Variants in HCN1 observed in about 807,000 individuals in gnomAD.
The protein encoded by HCN1 is hyperpolarization activated cyclic nucleotide gated potassium channel 1, also known as potassium/sodium hyperpolarization-activated cyclic nucleotide-gated channel 1.
In HCN1, 13 loss-of-function variants were observed where a neutral mutation model predicts 78.9. The ratio of observed to expected loss-of-function variants is 0.16; its 90% confidence interval spans 0.11 to 0.26. The LOEUF is 0.26. Ranked by LOEUF, HCN1 falls within the 10% of genes least tolerant of loss-of-function variation. The pLI, the probability that HCN1 is intolerant of heterozygous loss-of-function variation, is 1.00. For synonymous variants in HCN1, 552 were observed against 455.5 expected (o/e 1.21, Z -2.70); for missense variants, 810 against 1,154.3 (o/e 0.70, Z 4.32).
chr5:45,568,950 C>T (rs1212434879), intron 2 of HCN1, among the ~76,000 whole-genome samples: 2 of 152,040 alleles, frequency 1.3e-5, no homozygotes, highest in Non-Finnish European at 2.9e-5. Flanking sequence ...CGAAATTCCC[C>T]TTACCCCTTT....
chr5:45,430,017 G>A (rs1359963213), intron 3 of HCN1, among the ~76,000 whole-genome samples: 1 of 151,844 alleles, frequency 6.6e-6, no homozygotes, highest in Non-Finnish European at 1.5e-5. Flanking sequence ...TAAGAATTGA[G>A]CTATTATAAG....
intron 6 of HCN1, among the ~76,000 whole-genome samples, chr5:45,297,431 G>A (rs1169972850): frequency 6.6e-6 from 1 of 152,068 alleles, no homozygotes; most frequent in African/African-American, 2.4e-5. Context: ...GCCAGTTTAT[G>A]GCCAGATTTT....
At chr5:45,315,816 G>C (rs1049405610) in intron 5 of HCN1, among the ~76,000 whole-genome samples, 1 of 152,142 alleles carries the variant, frequency 6.6e-6, no homozygotes, top group Non-Finnish European at 1.5e-5. Flanking sequence ...AAATGTAGAA[G>C]AAATGGATAA....
chr5:45,264,026 C>T (rs988921900), intron 7 of HCN1, among the ~76,000 whole-genome samples: 5 of 152,170 alleles, frequency 3.3e-5, no homozygotes, highest in Admixed American at 3.3e-4. Flanking sequence ...ATCTCATGAC[C>T]TTGTGATCCA....
intron 2 of HCN1, among the ~76,000 whole-genome samples, chr5:45,490,212 A>T (rs1741854315): frequency 6.6e-6 from 1 of 152,206 alleles, no homozygotes; most frequent in Admixed American, 6.6e-5. Context: ...AGGTCATAGA[A>T]TGCCAACAGT....
chr5:45,388,374 G>C (rs774388050), intron 4 of HCN1, among the ~76,000 whole-genome samples: 1 of 152,120 alleles, frequency 6.6e-6, no homozygotes, highest in Non-Finnish European at 1.5e-5. Flanking sequence ...ATGAGAAGAA[G>C]TAATATGCCT....
At chr5:45,374,077 ATCTAT>A (rs1561130166) in intron 4 of HCN1, among the ~76,000 whole-genome samples, 10 of 105,252 alleles carry the variant, frequency 9.5e-5, no homozygotes, top group East Asian at 4.7e-4. Context: ...TATATATAAT[ATCTAT>A]TACATATATG....
Position 45,257,839 on chromosome 5 carries a change from A to G in HCN1, c.*4082T>C, listed in dbSNP as rs563742585. On this transcript the variant is annotated 3_prime_UTR_variant, in exon 8 of 8. Coordinates refer to ENST00000303230, the MANE Select transcript of HCN1 (RefSeq NM_021072.4). ...ATTTTATTTATTTGTATGTGCTACA[A>G]TTTGGTGCATGCAGCAACCACAGTT... 8 of 152,204 alleles carry G rather than the reference A, an allele frequency of 5.3e-5. No individual in the cohort carries two copies. In the South Asian group the frequency reaches 8.3e-4, roughly 16 times the overall value. 9.4% of individuals were successfully genotyped at this position (152,204 alleles called of 1,614,324 possible).
At chr5:45,267,349 T>A in intron 6 of HCN1, 96 bp from the exon 7 acceptor site, 1 of 1,117,122 alleles carries the variant, frequency 9.0e-7, no homozygotes, top group Non-Finnish European at 1.3e-6. Flanking sequence ...TCTCATGGTG[T>A]GAAAAAACAA....
At chr5:45,569,946 A>G (rs1241424944) in intron 2 of HCN1, among the ~76,000 whole-genome samples, 1 of 152,048 alleles carries the variant, frequency 6.6e-6, no homozygotes, top group Admixed American at 6.6e-5. Context: ...ATTTAACTTG[A>G]TGGGATAACC....
At chr5:45,374,247 G>T (rs185439103) in intron 4 of HCN1, among the ~76,000 whole-genome samples, 2 of 93,768 alleles carry the variant, frequency 2.1e-5, no homozygotes, top group African/African-American at 3.7e-5. Flanking sequence ...TATATATTAT[G>T]TACATTATAT....
chr5:45,321,098 G>T (rs1746117561), intron 5 of HCN1, among the ~76,000 whole-genome samples: 1 of 151,720 alleles, frequency 6.6e-6, no homozygotes, highest in Non-Finnish European at 1.5e-5. Context: ...GTCAATGACT[G>T]CCCTTTATAC....
chr5:45,372,063 T>TATATA (rs1747389238), intron 4 of HCN1, among the ~76,000 whole-genome samples: 4 of 57,738 alleles, frequency 6.9e-5, no homozygotes, highest in Admixed American at 6.4e-4. Context: ...AATATAATTA[T>TATATA]ATTATATATT....
chr5:45,423,260 A>G (rs1740265487), intron 3 of HCN1, among the ~76,000 whole-genome samples: 1 of 152,202 alleles, frequency 6.6e-6, no homozygotes, highest in Non-Finnish European at 1.5e-5. Context: ...TTAATGGGAT[A>G]AAACATGAAG....
At chr5:45,348,495 G>A (rs992228103) in intron 5 of HCN1, among the ~76,000 whole-genome samples, 3 of 152,210 alleles carry the variant, frequency 2.0e-5, no homozygotes, top group African/African-American at 7.2e-5. Context: ...CATAATGACA[G>A]GATCAAATTC....
intron 3 of HCN1, among the ~76,000 whole-genome samples, chr5:45,421,636 T>C (rs1740231013): frequency 6.6e-6 from 1 of 152,212 alleles, no homozygotes; most frequent in South Asian, 2.1e-4. Flanking sequence ...ATATTTTAAA[T>C]CTATTTTTTA....
At chr5:45,409,691 A>C (rs899672285) in intron 3 of HCN1, among the ~76,000 whole-genome samples, 6 of 152,052 alleles carry the variant, frequency 3.9e-5, no homozygotes, top group African/African-American at 1.4e-4. Flanking sequence ...CAATAAAATA[A>C]AATAGTGGCA....
chr5:45,558,441 T>C (rs2111870732), intron 2 of HCN1: 1 of 152,218 alleles, frequency 6.6e-6, no homozygotes, highest in East Asian at 1.9e-4. Flanking sequence ...ATCCAAAAGA[T>C]CTAGCTAAGA....
intron 2 of HCN1, among the ~76,000 whole-genome samples, chr5:45,581,390 C>G (rs536442154): frequency 1.4e-4 from 22 of 151,942 alleles, no homozygotes; most frequent in Admixed American, 1.1e-3. Context: ...TTGTAAATTT[C>G]TTTGAGTTCT....
Sources: allele counts gnomAD v4.1 joint callset (sites outside exome capture counted in the v4.1 genomes callset), GRCh38; gene constraint gnomAD v4.1.1; transcripts MANE v1.5; gene names NCBI Gene and HGNC (gene_info 2026-07-23, HGNC 2026-07-21).